CDON: variants seen among roughly 807,000 people sequenced by gnomAD.
CDON encodes cell adhesion associated, oncogene regulated.
A neutral mutation model predicts 120.9 loss-of-function variants in CDON; 73 were observed. That is an observed-to-expected ratio of 0.60 (90% CI 0.50 to 0.73). The LOEUF (loss-of-function observed/expected upper bound fraction) is 0.73. Among genes scored for constraint, CDON ranks in the 30% least tolerant of loss-of-function variants. The pLI is 0.00. For synonymous variants in CDON, 566 were observed against 573.5 expected (o/e 0.99, Z 0.19); for missense variants, 1,470 against 1,587.3 (o/e 0.93, Z 1.26).
chr11:126,023,608 TG>T, intron 1 of CDON, 71 bp from the exon 2 acceptor site: 1 of 738,580 alleles, frequency 1.4e-6, no homozygotes, highest in African/African-American at 1.7e-5. Context: ...GCTGTGAGCA[TG>T]ACGGCTGCCA....
rs370117564 is a variant in CDON at position 126,053,844 on chromosome 11, C to G, written c.-62+8735G>C. The stretch of plus-strand genomic sequence containing the variant: ...CCTATGTCCATTCCAGCTGAAACCA[C>G]GCTCACTCCCTAATTGTTACTGCCT... On this transcript the variant is annotated intron_variant, in intron 1 of 19. Transcript: ENST00000531738. Among the ~76,000 whole-genome samples, 3 of 151,918 alleles carry G rather than the reference C, an allele frequency of 2.0e-5. 1 individual carries two copies. In the South Asian group the frequency reaches 6.2e-4, roughly 31 times the overall value.
At chr11:126,023,577 T>C in intron 1 of CDON, 40 bp from the exon 2 acceptor site, 1 of 899,318 alleles carries the variant, frequency 1.1e-6, no homozygotes, top group Non-Finnish European at 1.8e-6. Flanking sequence ...ACCATTGAAA[T>C]CTTTCGTCTG....
intron 1 of CDON, among the ~76,000 whole-genome samples, chr11:126,047,702 G>T (rs1335550865): frequency 2.0e-5 from 3 of 152,114 alleles, no homozygotes; most frequent in Non-Finnish European, 2.9e-5. Context: ...GGAAATCAAG[G>T]CACAGAGGGC....
In CDON at chr11:125,989,730, G is replaced by C; in HGVS notation, c.2680C>G (p.Leu894Val). 1 of 1,613,034 alleles carries C rather than the reference G, an allele frequency of 6.2e-7. No individual in the cohort carries two copies. Among genetic ancestry groups the C allele is most frequent in the Non-Finnish European group, 8.5e-7 (1 of 1,179,206 alleles). ...ATGTCATAGGAGGTTTCTGGCTGCA[G>C]GTGGCCAATCATGTGCCACTGCTTT... ...GSKQWHMIGHLQPETSYDIKM... is the reference protein window; with the variant it reads ...GSKQWHMIGHVQPETSYDIKM... Residue 894 changes from leucine to valine, a missense_variant, in exon 15 of 20, where the codon CTG becomes GTG. By Grantham distance (32) the Leu-to-Val change is conservative (BLOSUM62 1). Transcript: ENST00000531738.
At chr11:126,017,945 G>A (rs1947518578) in intron 5 of CDON, among the ~76,000 whole-genome samples, 1 of 151,872 alleles carries the variant, frequency 6.6e-6, no homozygotes, top group Admixed American at 6.6e-5. Context: ...TGTCACCCAG[G>A]CTGGAGTGCA....
At chr11:125,964,857 A>G (rs1409882797) in intron 18 of CDON, among the ~76,000 whole-genome samples, 1 of 152,224 alleles carries the variant, frequency 6.6e-6, no homozygotes, top group Non-Finnish European at 1.5e-5. Flanking sequence ...AAGGACTCTA[A>G]TATCAAAAGA....
intron 18 of CDON, among the ~76,000 whole-genome samples, chr11:125,973,596 T>C (rs1230342463): frequency 6.6e-6 from 1 of 152,204 alleles, no homozygotes; most frequent in African/African-American, 2.4e-5. Flanking sequence ...GCCATGGCTC[T>C]GTGTGATCTG....
At chr11:125,974,398 G>GAGGA in intron 18 of CDON, among the ~76,000 whole-genome samples, 2 of 29,276 alleles carry the variant, frequency 6.8e-5, no homozygotes, top group Non-Finnish European at 1.6e-4. Flanking sequence ...GGAAGGGAGG[G>GAGGA]AGGGAGGGAG....
At chr11:126,003,465 A>G (rs1170457369) in intron 10 of CDON, among the ~76,000 whole-genome samples, 2 of 152,162 alleles carry the variant, frequency 1.3e-5, no homozygotes, top group African/African-American at 4.8e-5. Flanking sequence ...TGACCCCAAA[A>G]TGGAAGGGGG....
At chr11:126,032,611 G>T (rs1487356788) in intron 1 of CDON, among the ~76,000 whole-genome samples, 5 of 152,226 alleles carry the variant, frequency 3.3e-5, no homozygotes, top group Admixed American at 2.6e-4. Flanking sequence ...GATAAGAGAA[G>T]TTAGAAGGCT....
chr11:126,004,034 G>A lies in CDON; in HGVS notation c.1894C>T (p.Arg632Ter), dbSNP rs752726620. Reference sequence around the variant, plus strand: ...AGCTCATTTTCACTTCCTGGGACTCGAACCGTGTGCCAGCTTCCCAGCATG... The same window carrying A: ...AGCTCATTTTCACTTCCTGGGACTCAAACCGTGTGCCAGCTTCCCAGCATG... The part of the protein sequence containing the change: ...VGMLGSWHTV[R>*]VPGSENELHL... The change falls in exon 10 of 20, where the codon CGA becomes TGA. Residue 632 changes from arginine to a stop codon, truncating the protein, a stop_gained. Coordinates refer to ENST00000531738, the MANE Select transcript of CDON (RefSeq NM_001378964.1). LOFTEE classifies it high-confidence loss of function. The A allele has an allele frequency of 6.2e-7, 1 of 1,613,874 alleles. No individual in the cohort carries two copies. Among genetic ancestry groups the A allele is most frequent in the Non-Finnish European group, 8.5e-7 (1 of 1,180,006 alleles).
chr11:126,051,605 C>T (rs1030092999), intron 1 of CDON, among the ~76,000 whole-genome samples: 3 of 151,686 alleles, frequency 2.0e-5, no homozygotes, highest in East Asian at 1.9e-4. Flanking sequence ...ATAACAAATG[C>T]GAAATTATTG....
chr11:126,009,079 G>A (rs549201483), intron 8 of CDON, among the ~76,000 whole-genome samples: 1 of 152,306 alleles, frequency 6.6e-6, no homozygotes, highest in East Asian at 1.9e-4. Context: ...ACAGAGAAGT[G>A]CAGTGATTTG....
In CDON at chr11:125,959,049, G is replaced by T. The variant is rs1016560752; in HGVS notation, c.*1893C>A. The T allele has an allele frequency of 6.6e-6, 1 of 152,124 alleles. No individual in the cohort carries two copies. Among genetic ancestry groups the T allele is most frequent in the Admixed American group, 6.5e-5 (1 of 15,268 alleles). 9.4% of individuals were successfully genotyped at this position (152,124 alleles called of 1,614,324 possible). A position where few individuals can be genotyped will look rare whatever the true frequency, so the allele number is the denominator to read the frequency against. On this transcript the variant is annotated 3_prime_UTR_variant, in exon 20 of 20. Transcript: ENST00000531738. ...AATAAATCCAGTATACTATAGGCAC[G>T]GACATCTGGAATGTAGAACTTGGGT...
chr11:126,007,667 G>A (rs920011359), intron 8 of CDON, among the ~76,000 whole-genome samples: 17 of 152,088 alleles, frequency 1.1e-4, no homozygotes, highest in African/African-American at 3.4e-4. Context: ...TGAGAAAAAC[G>A]TTAATGCTGC....
At chr11:126,050,505 C>T (rs1364045803) in intron 1 of CDON, among the ~76,000 whole-genome samples, 1 of 149,592 alleles carries the variant, frequency 6.7e-6, no homozygotes, top group Non-Finnish European at 1.5e-5. Flanking sequence ...AACACACACA[C>T]ACACACACAC....
At chr11:125,965,525 A>C (rs569865696) in intron 18 of CDON, among the ~76,000 whole-genome samples, 46 of 152,276 alleles carry the variant, frequency 3.0e-4, no homozygotes, top group Middle Eastern at 3.4e-3. Context: ...GCTGAGCAGA[A>C]CTTTTGGCTG....
intron 16 of CDON, among the ~76,000 whole-genome samples, chr11:125,982,121 C>T (rs561057552): frequency 3.7e-4 from 55 of 148,332 alleles, no homozygotes; most frequent in Admixed American, 2.2e-3. Flanking sequence ...GTAGCTTGTG[C>T]GTGCCACCAC....
chr11:125,989,833 T>C (rs1946580148), intron 14 of CDON, 74 bp from the exon 15 acceptor site: 1 of 1,414,960 alleles, frequency 7.1e-7, no homozygotes, highest in Non-Finnish European at 9.7e-7. Flanking sequence ...GTTAATGTTT[T>C]CAGGATGAGG....
Sources: allele counts gnomAD v4.1 joint callset (sites outside exome capture counted in the v4.1 genomes callset), GRCh38; gene constraint gnomAD v4.1.1; transcripts MANE v1.5; gene names NCBI Gene and HGNC (gene_info 2026-07-23, HGNC 2026-07-21).